ANGPT2: variants seen among roughly 807,000 people sequenced by gnomAD.
ANGPT2 encodes angiopoietin 2, also known as angiopoietin-2.
Under a neutral mutation model 62.9 loss-of-function variants are expected in ANGPT2, and 28 were observed. That is an observed-to-expected ratio of 0.44 (90% confidence interval 0.33 to 0.61). The LOEUF is 0.61. ANGPT2 is among the 20% of genes least tolerant of loss of function. The pLI is 0.03. For missense variants in ANGPT2, 727 were observed against 594.9 expected (o/e 1.22, Z -2.31); for synonymous variants, 284 against 207.8 (o/e 1.37, Z -3.15).
intron 1 of ANGPT2, among the ~76,000 whole-genome samples, chr8:6,550,717 A>G (rs1480306546): frequency 6.6e-6 from 1 of 152,218 alleles, no homozygotes. Flanking sequence ...TCTGAAAGGA[A>G]GAAATTTTAT....
chr8:6,507,448 T>C (rs1204501700), intron 8 of ANGPT2: 1 of 152,202 alleles, frequency 6.6e-6, no homozygotes, highest in Non-Finnish European at 1.5e-5. Context: ...TCTTTCAGTG[T>C]TTTTCAAGAA....
In ANGPT2 at chr8:6,508,705, A is replaced by G. The variant is rs986704095; in HGVS notation, c.1327+227T>C. 44 of 633,268 alleles carry G rather than the reference A, an allele frequency of 6.9e-5. No individual in the cohort carries two copies. The Admixed American group carries it at 1.3e-3, about 18-fold the overall frequency. The allele number at this position is 633,268 out of a possible 1,614,324, so 39.2% of individuals were successfully genotyped here. A position where few individuals can be genotyped will look rare whatever the true frequency, so the allele number is the denominator to read the frequency against. On this transcript the variant is annotated intron_variant, in intron 8 of 8. Transcript: ENST00000629816. ...CTCTCCTTGCCAGGGCTAGGTCCTG[A>G]GGAGACACAGTTGGCTTGCTGACAA...
intron 1 of ANGPT2, among the ~76,000 whole-genome samples, chr8:6,551,620 T>C (rs1407258170): frequency 6.6e-6 from 1 of 152,216 alleles, no homozygotes; most frequent in Non-Finnish European, 1.5e-5. Context: ...ATGTCACTGG[T>C]GCAGTTAAGT....
At chr8:6,524,870 G>A (rs1818038974) in intron 3 of ANGPT2, among the ~76,000 whole-genome samples, 1 of 152,186 alleles carries the variant, frequency 6.6e-6, no homozygotes, top group Non-Finnish European at 1.5e-5. Flanking sequence ...TTGGTGTCAC[G>A]AGCACCTTCA....
intron 5 of ANGPT2, among the ~76,000 whole-genome samples, chr8:6,516,992 C>T (rs981678332): frequency 1.3e-5 from 2 of 152,128 alleles, no homozygotes; most frequent in Non-Finnish European, 2.9e-5. Context: ...TTTCTTAGTA[C>T]TTCATCCAGG....
At chr8:6,529,956 G>C (rs1819146882) in intron 2 of ANGPT2, among the ~76,000 whole-genome samples, 1 of 151,556 alleles carries the variant, frequency 6.6e-6, no homozygotes, top group African/African-American at 2.4e-5. Context: ...ATAGGATGTA[G>C]CAAGGTTTGC....
chr8:6,516,849 A>G (rs1267104593), intron 5 of ANGPT2, among the ~76,000 whole-genome samples: 2 of 152,180 alleles, frequency 1.3e-5, no homozygotes, highest in Non-Finnish European at 2.9e-5. Flanking sequence ...TCAGAGAACA[A>G]GTTTATCTTG....
chr8:6,518,161 C>T (rs973034334), intron 5 of ANGPT2, among the ~76,000 whole-genome samples: 5 of 152,128 alleles, frequency 3.3e-5, no homozygotes, highest in Admixed American at 1.3e-4. Flanking sequence ...TGTGATGGGG[C>T]TGCATGGTTA....
intron 1 of ANGPT2, among the ~76,000 whole-genome samples, chr8:6,540,467 C>G (rs1275932986): frequency 6.6e-6 from 1 of 152,168 alleles, no homozygotes; most frequent in African/African-American, 2.4e-5. Flanking sequence ...TTTTAGAGGT[C>G]TTGTAGGGCA....
intron 7 of ANGPT2, among the ~76,000 whole-genome samples, chr8:6,509,572 C>T (rs1253560287): frequency 6.6e-6 from 1 of 152,042 alleles, no homozygotes; most frequent in African/African-American, 2.4e-5. Context: ...GCTACATTTC[C>T]TCATGTCTGT....
At chr8:6,540,927 C>G (rs370786191) in intron 1 of ANGPT2, among the ~76,000 whole-genome samples, 8 of 152,352 alleles carry the variant, frequency 5.3e-5, no homozygotes, top group East Asian at 3.9e-4. Flanking sequence ...GACAGTGTCT[C>G]AGAACATCCA....
chr8:6,513,902 A>G, intron 6 of ANGPT2, 58 bp from the exon 7 acceptor site: 1 of 1,473,240 alleles, frequency 6.8e-7, no homozygotes, highest in Non-Finnish European at 9.3e-7. Context: ...TGTATATTTG[A>G]AGTGGATAGT....
Position 6,513,772 on chromosome 8 carries a change from A to G in ANGPT2, c.1102T>C (p.Tyr368His), listed in dbSNP as rs1267282810. ...TCTTTAAGGTGTATTTTAAGCACATAGCGTTGCTGATTAGTCAGTTGCGAA... is the reference window on the plus strand; with the variant it reads ...TCTTTAAGGTGTATTTTAAGCACATGGCGTTGCTGATTAGTCAGTTGCGAA... ...FVSQLTNQQR[Y>H]VLKIHLKDWE... Residue 368 changes from tyrosine to histidine, a missense_variant, in exon 7 of 9, where the codon TAT (tyrosine) becomes CAT (histidine). Physicochemically the swap from Tyr to His is moderately conservative, Grantham distance 83 (BLOSUM62 2). Transcript: ENST00000629816. 6.2e-7 allele frequency: 1 copy of G among 1,614,072 alleles called. No homozygotes were observed. Among genetic ancestry groups the G allele is most frequent in the South Asian group, 1.1e-5 (1 of 91,026 alleles).
At chr8:6,548,602 C>G (rs866834739) in intron 1 of ANGPT2, among the ~76,000 whole-genome samples, 1 of 152,072 alleles carries the variant, frequency 6.6e-6, no homozygotes, top group Admixed American at 6.5e-5. Flanking sequence ...AGAAAGTACA[C>G]CTGATGGATT....
rs201251006 is a variant in ANGPT2, at chr8:6,531,799, C to T, written c.444+533G>A. Reference sequence around the variant, plus strand: ...GCAGCGCTCAGGGCTCTTGCTCGGGCGTAGCACCATCTTTTCTGTGGCTAG... The same window carrying T: ...GCAGCGCTCAGGGCTCTTGCTCGGGTGTAGCACCATCTTTTCTGTGGCTAG... On this transcript the variant is annotated intron_variant, in intron 2 of 8. Coordinates refer to ENST00000629816, the MANE Select transcript of ANGPT2 (RefSeq NM_001118887.2). 6.6e-3 allele frequency among the ~76,000 whole-genome samples: 532 copies of T among 80,460 alleles called. 8 individuals carry two copies. The East Asian group carries it at 0.066, about 10-fold the overall frequency. 52.8% of individuals were successfully genotyped at this position (80,460 alleles called of 152,430 possible).
Position 6,552,305 on chromosome 8 carries a change from C to G in ANGPT2, c.288+10342G>C, listed in dbSNP as rs1018896453. 3.0e-4 allele frequency among the ~76,000 whole-genome samples: 45 copies of G among 152,280 alleles called. 1 individual carries two copies. The highest frequency in any genetic ancestry group is 1.0e-3 in the African/African-American group (43 of 41,558). ...AATTACATATGACGATGGAATGTGG[C>G]CATATTCACGCAGTCACAGCAGTGT... On this transcript the variant is annotated intron_variant, in intron 1 of 8. Coordinates refer to ENST00000629816, the MANE Select transcript of ANGPT2 (RefSeq NM_001118887.2).
rs1414761151 is a variant in ANGPT2, at chr8:6,500,363, CAT to C, written c.*2736_*2737del. 6.2e-6 allele frequency: 1 copy of C among 162,098 alleles called. No individual in the cohort carries two copies. The highest frequency in any genetic ancestry group is 1.4e-5 in the Non-Finnish European group (1 of 73,872). 10.0% of individuals were successfully genotyped at this position (162,098 alleles called of 1,614,324 possible). ...ATTCCACTTCAACTTTCAAATGCTT[CAT>C]TGAAAAGTTCTGGGTTCTAATTTTT... On this transcript the variant is annotated 3_prime_UTR_variant, in exon 9 of 9. Transcript: ENST00000629816.
intron 1 of ANGPT2, among the ~76,000 whole-genome samples, chr8:6,561,973 C>G (rs1418166567): frequency 2.0e-5 from 3 of 152,140 alleles, no homozygotes; most frequent in African/African-American, 7.2e-5. Context: ...GCATTCCGCA[C>G]CGGTTGCTGG....
chr8:6,512,522 G>A lies in ANGPT2; in HGVS notation c.1196+1156C>T, dbSNP rs118011934. Among the ~76,000 whole-genome samples the A allele has an allele frequency of 7.7e-4, 118 of 152,282 alleles. No homozygotes were observed. The East Asian group carries it at 0.021, about 27-fold the overall frequency. On this transcript the variant is annotated intron_variant, in intron 7 of 8. Transcript: ENST00000629816. ...AATGTGTGCTCCATGATCACGAGGC[G>A]CCACCAGTCTGTGCTCTTTAGACTC...
Sources: gnomAD v4.1 joint callset for allele counts (sites outside exome capture counted in the v4.1 genomes callset) on GRCh38, gnomAD v4.1.1 for gene constraint, MANE v1.5 for transcripts, NCBI Gene and HGNC (gene_info 2026-07-23, HGNC 2026-07-21) for gene names.